NEDD4: variants seen among roughly 807,000 people sequenced by gnomAD.
The protein encoded by NEDD4 is NEDD4 E3 ubiquitin protein ligase, also known as E3 ubiquitin-protein ligase NEDD4.
Under a neutral mutation model 144.9 loss-of-function variants are expected in NEDD4, and 99 were observed. The ratio of observed to expected loss-of-function variants is 0.68; its 90% confidence interval spans 0.58 to 0.81. The LOEUF is 0.81. Among genes scored for constraint, NEDD4 ranks in the 30% least tolerant of loss-of-function variants. The pLI, the probability that NEDD4 is intolerant of heterozygous loss-of-function variation, is 0.00. For synonymous variants in NEDD4, 318 were observed against 350.6 expected (o/e 0.91, Z 1.04); for missense variants, 985 against 1,065.9 (o/e 0.92, Z 1.06).
intron 7 of NEDD4, among the ~76,000 whole-genome samples, chr15:55,870,717 T>A (rs1249504113): frequency 2.0e-5 from 3 of 152,020 alleles, no homozygotes; most frequent in Non-Finnish European, 4.4e-5. Context: ...TATTTTTTTG[T>A]AGAGACAGGG....
chr15:55,827,908 A>G lies in NEDD4; in HGVS notation c.*1989T>C, dbSNP rs879129690. 1 of 152,116 alleles carries G rather than the reference A, an allele frequency of 6.6e-6. No homozygotes were observed. Among genetic ancestry groups the G allele is most frequent in the Non-Finnish European group, 1.5e-5 (1 of 68,018 alleles). 9.4% of individuals were successfully genotyped at this position (152,116 alleles called of 1,614,324 possible). ...TTTACAAAGTACTTTTTGCTTTCTCATCTGTCTGGAACTTCTGACAATCTG... is the reference window on the plus strand; with the variant it reads ...TTTACAAAGTACTTTTTGCTTTCTCGTCTGTCTGGAACTTCTGACAATCTG... On this transcript the variant is annotated 3_prime_UTR_variant, in exon 29 of 29. Coordinates refer to ENST00000435532, the MANE Select transcript of NEDD4 (RefSeq NM_006154.4).
intron 4 of NEDD4, among the ~76,000 whole-genome samples, chr15:55,928,722 C>A (rs993436807): frequency 2.6e-5 from 4 of 152,200 alleles, no homozygotes; most frequent in African/African-American, 9.6e-5. Flanking sequence ...CACTACCACT[C>A]CTCTATTTTC....
rs979139966 is a variant in NEDD4 at position 55,894,112 on chromosome 15, G to A, written c.292-20104C>T. Among the ~76,000 whole-genome samples, 23 of 152,114 alleles carry A rather than the reference G, an allele frequency of 1.5e-4. 1 individual carries two copies. The highest frequency in any genetic ancestry group is 6.5e-5 in the Admixed American group (1 of 15,276). ...TCTTTGCATAAAGCAAGCATTCCAT[G>A]TCTTAAGTTTGTGATTTGCTCGGCC... is the stretch of plus-strand genomic sequence containing the variant. On this transcript the variant is annotated intron_variant, in intron 5 of 28. Transcript: ENST00000435532.
chr15:55,848,101 G>T (rs2033823829), intron 17 of NEDD4, among the ~76,000 whole-genome samples: 1 of 152,256 alleles, frequency 6.6e-6, no homozygotes. Flanking sequence ...GACAGTGGGA[G>T]GCACCAGCCT....
At chr15:55,914,708 C>G (rs1477629289) in intron 5 of NEDD4, among the ~76,000 whole-genome samples, 3 of 151,862 alleles carry the variant, frequency 2.0e-5, no homozygotes, top group African/African-American at 4.8e-5. Context: ...TTTAAACATG[C>G]AGCATAATAG....
chr15:55,973,222 C>T (rs573158456), intron 1 of NEDD4, among the ~76,000 whole-genome samples: 148 of 152,272 alleles, frequency 9.7e-4, no homozygotes, highest in African/African-American at 3.5e-3. Flanking sequence ...AAGGATAAAC[C>T]ACATGTTAGC....
At chr15:55,938,100 C>T (rs955403343) in intron 4 of NEDD4, among the ~76,000 whole-genome samples, 4 of 152,182 alleles carry the variant, frequency 2.6e-5, no homozygotes, top group Non-Finnish European at 5.9e-5. Context: ...GTGGCTCACA[C>T]CTGTAATCCT....
At position 55,893,293 on chromosome 15, in the gene NEDD4, T is replaced by C. The variant is rs138768125; in HGVS notation, c.292-19285A>G. 5.1e-3 allele frequency among the ~76,000 whole-genome samples: 778 copies of C among 152,094 alleles called. 7 individuals carry two copies. Among genetic ancestry groups the C allele is most frequent in the African/African-American group, 0.018 (744 of 41,518 alleles). ...GCGCAAATGTCATGATTCCTCTGTA[T>C]AGATCATATAATTCTAAAGACAAGA... is the stretch of plus-strand genomic sequence containing the variant. On this transcript the variant is annotated intron_variant, in intron 5 of 28. Coordinates refer to ENST00000435532, the MANE Select transcript of NEDD4 (RefSeq NM_006154.4).
chr15:55,895,970 A>G (rs768342269), intron 5 of NEDD4, among the ~76,000 whole-genome samples: 6 of 152,234 alleles, frequency 3.9e-5, no homozygotes, highest in Non-Finnish European at 5.9e-5. Context: ...GGTAGGTTTT[A>G]TACGAGGCAT....
intron 4 of NEDD4, among the ~76,000 whole-genome samples, chr15:55,927,294 G>A (rs187604694): frequency 6.6e-6 from 1 of 151,976 alleles, no homozygotes; most frequent in Admixed American, 6.5e-5. Flanking sequence ...CTAAGGAAAT[G>A]AGACAGACAA....
chr15:55,936,195 C>T (rs191907062), intron 4 of NEDD4, among the ~76,000 whole-genome samples: 2 of 152,204 alleles, frequency 1.3e-5, no homozygotes, highest in Admixed American at 6.5e-5. Context: ...ATTTACTCTC[C>T]GGTATCATTG....
chr15:55,841,183 T>C (rs972904061), intron 19 of NEDD4, among the ~76,000 whole-genome samples: 4 of 152,208 alleles, frequency 2.6e-5, no homozygotes, highest in Admixed American at 2.0e-4. Context: ...CCACCAGCCT[T>C]GGCCTCCCAA....
intron 4 of NEDD4, among the ~76,000 whole-genome samples, chr15:55,946,341 A>G (rs2037112983): frequency 6.6e-6 from 1 of 152,216 alleles, no homozygotes; most frequent in African/African-American, 2.4e-5. Flanking sequence ...AAACAAAAAA[A>G]GCAGGGGTTA....
intron 4 of NEDD4, among the ~76,000 whole-genome samples, chr15:55,944,087 A>G (rs2037061595): frequency 6.6e-6 from 1 of 152,172 alleles, no homozygotes; most frequent in African/African-American, 2.4e-5. Context: ...AAGACGGGTG[A>G]TTTCTACATT....
intron 1 of NEDD4, among the ~76,000 whole-genome samples, chr15:55,969,326 C>T (rs2037569510): frequency 6.6e-6 from 1 of 152,084 alleles, no homozygotes. Context: ...TAAAGCACTC[C>T]AAGATCCTAA....
At chr15:55,984,371 C>T (rs1303205260) in intron 1 of NEDD4, among the ~76,000 whole-genome samples, 1 of 152,150 alleles carries the variant, frequency 6.6e-6, no homozygotes, top group Non-Finnish European at 1.5e-5. Context: ...TATTCCTTAT[C>T]TCTAAAATGG....
intron 1 of NEDD4, among the ~76,000 whole-genome samples, chr15:55,988,503 A>AAAAAAAAAAAAAAAAAAAAAAAG (rs1566980054): frequency 1.4e-5 from 2 of 147,802 alleles, no homozygotes; most frequent in Non-Finnish European, 3.0e-5. Flanking sequence ...AAAAAAAAAA[A>AAAAAAAAAAAAAAAAAAAAAAAG]AAAGAAAAAC....
intron 11 of NEDD4, among the ~76,000 whole-genome samples, chr15:55,859,284 A>C (rs1442571850): frequency 6.6e-6 from 1 of 152,206 alleles, no homozygotes; most frequent in Non-Finnish European, 1.5e-5. Context: ...TCTGAACCCT[A>C]TGGACAACAG....
chr15:55,992,371 C>A (rs2038001638), intron 1 of NEDD4, among the ~76,000 whole-genome samples: 1 of 152,148 alleles, frequency 6.6e-6, no homozygotes, highest in Non-Finnish European at 1.5e-5. Flanking sequence ...ATTGCCCACC[C>A]TTTATAAACA....
Sources: gnomAD v4.1 joint callset for allele counts (sites outside exome capture counted in the v4.1 genomes callset) on GRCh38, gnomAD v4.1.1 for gene constraint, MANE v1.5 for transcripts, NCBI Gene and HGNC (gene_info 2026-07-23, HGNC 2026-07-21) for gene names.